The following MAF variants were observed in gnomAD, a reference collection of about 807,000 sequenced individuals.
MAF encodes transcription factor Maf.
Under a neutral mutation model 22.0 loss-of-function variants are expected in MAF, and 10 were observed. That is an observed-to-expected ratio of 0.45 (90% CI 0.28 to 0.77). The LOEUF is 0.77. Ranked by LOEUF, MAF falls within the 30% of genes least tolerant of loss-of-function variation. The pLI is 0.12. For missense variants in MAF, 544 were observed against 548.4 expected (o/e 0.99, Z 0.08); for synonymous variants, 337 against 255.8 (o/e 1.32, Z -3.03).
At chr16:79,539,354 T>C in the MAF span, among the ~76,000 whole-genome samples, 6,790 of 152,082 alleles carry the variant, frequency 0.045, 520 homozygotes, top group African/African-American at 0.15. Context: ...ATTACAGAAA[T>C]TGGCCGGGCT....
At chr16:79,539,816 C>G in the MAF span, among the ~76,000 whole-genome samples, 1 of 152,172 alleles carries the variant, frequency 6.6e-6, no homozygotes, top group Non-Finnish European at 1.5e-5. Flanking sequence ...TGATCACAAT[C>G]ATGTCAGACA....
the MAF span, among the ~76,000 whole-genome samples, chr16:79,525,609 G>A: frequency 2.6e-5 from 4 of 152,216 alleles, no homozygotes; most frequent in South Asian, 2.1e-4. Context: ...TTTAATGTAC[G>A]CTGCGTACTT....
At chr16:79,512,540 C>A in the MAF span, among the ~76,000 whole-genome samples, 1 of 152,076 alleles carries the variant, frequency 6.6e-6, no homozygotes, top group African/African-American at 2.4e-5. Flanking sequence ...CACCTGGACC[C>A]CCAGCTCACC....
At chr16:79,227,407 T>C in the MAF span, among the ~76,000 whole-genome samples, 2 of 152,074 alleles carry the variant, frequency 1.3e-5, no homozygotes, top group South Asian at 4.1e-4. Flanking sequence ...TACCTTTCAT[T>C]GCTGTGTGTG....
chr16:79,309,757 C>CT, the MAF span, among the ~76,000 whole-genome samples: 1 of 152,158 alleles, frequency 6.6e-6, no homozygotes, highest in Admixed American at 6.5e-5. Context: ...TCCCTCCCAG[C>CT]CAGGCATGTG....
chr16:79,472,546 C>T, the MAF span, among the ~76,000 whole-genome samples: 4 of 152,038 alleles, frequency 2.6e-5, no homozygotes, highest in East Asian at 7.8e-4. Flanking sequence ...GATTCCATCT[C>T]TTTAAAATGT....
chr16:79,438,492 G>A, the MAF span, among the ~76,000 whole-genome samples: 5 of 152,200 alleles, frequency 3.3e-5, no homozygotes, highest in African/African-American at 4.8e-5. Context: ...TGTAAGGAAC[G>A]GGGCAGTGGG....
At chr16:79,571,262 C>T in the MAF span, among the ~76,000 whole-genome samples, 3 of 152,096 alleles carry the variant, frequency 2.0e-5, no homozygotes, top group African/African-American at 7.2e-5. Context: ...GGTCTAAGAA[C>T]TTGAAGAATC....
At chr16:79,374,856 G>C in the MAF span, among the ~76,000 whole-genome samples, 164 of 152,316 alleles carry the variant, frequency 1.1e-3, 3 homozygotes, top group East Asian at 0.015. Context: ...AGACCAGATA[G>C]ACAAGATATG....
At chr16:79,246,685 G>C in the MAF span, among the ~76,000 whole-genome samples, 2 of 152,146 alleles carry the variant, frequency 1.3e-5, no homozygotes, top group African/African-American at 4.8e-5. Context: ...GCTTTCAGTA[G>C]GTGTCTTGGA....
At chr16:79,326,008 T>C in the MAF span, among the ~76,000 whole-genome samples, 2 of 152,246 alleles carry the variant, frequency 1.3e-5, no homozygotes, top group African/African-American at 4.8e-5. Context: ...ATCTTGCTTC[T>C]GACAACCAGG....
chr16:79,290,277 AGCTTTTATCT>A, the MAF span, among the ~76,000 whole-genome samples: 1 of 152,288 alleles, frequency 6.6e-6, no homozygotes, highest in South Asian at 2.1e-4. Context: ...AACAACACCG[AGCTTTTATCT>A]GATGAGAGAT....
the MAF span, among the ~76,000 whole-genome samples, chr16:79,550,737 A>T: frequency 6.6e-6 from 1 of 151,992 alleles, no homozygotes; most frequent in Admixed American, 6.6e-5. Context: ...ATTTTGCACC[A>T]TCTAATCTGT....
the MAF span, among the ~76,000 whole-genome samples, chr16:79,449,720 C>T: frequency 6.6e-6 from 1 of 152,144 alleles, no homozygotes; most frequent in Admixed American, 6.5e-5. Flanking sequence ...TTCAGTTTCT[C>T]CATGTGTAAA....
chr16:79,315,173 G>C, the MAF span, among the ~76,000 whole-genome samples: 2 of 152,152 alleles, frequency 1.3e-5, no homozygotes, highest in African/African-American at 4.8e-5. Flanking sequence ...GGACATAGGA[G>C]TGAGCAAATA....
At chr16:79,466,315 A>G in the MAF span, among the ~76,000 whole-genome samples, 1 of 152,198 alleles carries the variant, frequency 6.6e-6, no homozygotes, top group Admixed American at 6.5e-5. Context: ...TGAATGAAGG[A>G]TGACTCATGG....
chr16:79,322,839 G>A, the MAF span, among the ~76,000 whole-genome samples: 2 of 151,938 alleles, frequency 1.3e-5, no homozygotes, highest in Admixed American at 6.6e-5. Flanking sequence ...CTGCCAAAGG[G>A]TTCTAGTTTT....
chr16:79,314,052 C>A, the MAF span, among the ~76,000 whole-genome samples: 10 of 152,138 alleles, frequency 6.6e-5, no homozygotes, highest in Admixed American at 6.5e-4. Context: ...TTTTTGATTC[C>A]AAGACATGGA....
At chr16:79,578,466 A>G in the MAF span, among the ~76,000 whole-genome samples, 1 of 152,310 alleles carries the variant, frequency 6.6e-6, no homozygotes, top group South Asian at 2.1e-4. Context: ...TTTCAAATGT[A>G]AAGATTTTAT....
Sources: gnomAD v4.1 joint callset for allele counts (sites outside exome capture counted in the v4.1 genomes callset) on GRCh38, gnomAD v4.1.1 for gene constraint, MANE v1.5 for transcripts, NCBI Gene and HGNC (gene_info 2026-07-23, HGNC 2026-07-21) for gene names.